Variants in UGT2B7 observed in about 807,000 individuals in gnomAD.
UGT2B7 encodes UDP-glucuronosyltransferase 2B7.
Under a neutral mutation model 51.9 loss-of-function variants are expected in UGT2B7, and 51 were observed. That is an observed-to-expected ratio of 0.98 (90% CI 0.78 to 1.24). The LOEUF is 1.24. UGT2B7 is among the 50% of genes most tolerant of loss of function. The probability of loss-of-function intolerance (pLI) is 0.00; values close to 1 mark genes in which losing one functional copy is unlikely to be tolerated. For synonymous variants in UGT2B7, 225 were observed against 211.6 expected (o/e 1.06, Z -0.55); for missense variants, 727 against 628.4 (o/e 1.16, Z -1.68).
upstream of UGT2B7, among the ~76,000 whole-genome samples, chr4:69,094,279 A>G (rs1433544733): frequency 2.4e-5 from 2 of 84,226 alleles, 1 homozygote; most frequent in African/African-American, 1.3e-4. Context: ...AGCTGGGACT[A>G]CAGGCGCCCG....
chr4:69,088,944 G>A (rs1002904636), intron 1 of UGT2B7, among the ~76,000 whole-genome samples: 1 of 152,156 alleles, frequency 6.6e-6, no homozygotes, highest in Non-Finnish European at 1.5e-5. Context: ...TCTTCTTGGT[G>A]TGTGGAAGGG....
intron 1 of UGT2B7, among the ~76,000 whole-genome samples, chr4:69,083,095 A>G (rs1471854826): frequency 1.3e-5 from 2 of 151,972 alleles, no homozygotes; most frequent in African/African-American, 2.4e-5. Flanking sequence ...AGCATGACTC[A>G]CTGAATATTT....
chr4:69,087,018 G>C (rs918917299), intron 1 of UGT2B7, among the ~76,000 whole-genome samples: 14 of 150,418 alleles, frequency 9.3e-5, no homozygotes, highest in African/African-American at 2.9e-4. Flanking sequence ...TTGTTTTCTA[G>C]GTTAGTTTCT....
At chr4:69,093,785 C>T (rs1343570983), upstream of UGT2B7, among the ~76,000 whole-genome samples, 1 of 152,176 alleles carries the variant, frequency 6.6e-6, no homozygotes, top group Non-Finnish European at 1.5e-5. Context: ...TTCCTTGGTT[C>T]TGTGTTGATG....
chr4:69,055,045 C>A, intron 1 of UGT2B7, among the ~76,000 whole-genome samples: 1 of 144,654 alleles, frequency 6.9e-6, no homozygotes, highest in African/African-American at 2.6e-5. Flanking sequence ...CACTGTAAGC[C>A]TCCCATGATT....
chr4:69,071,778 A>G (rs187849726), intron 1 of UGT2B7, among the ~76,000 whole-genome samples: 165 of 152,252 alleles, frequency 1.1e-3, no homozygotes, highest in African/African-American at 3.7e-3. Context: ...AGAAACAAAT[A>G]GCCAAGTACA....
rs746560447 is a variant in UGT2B7 at position 69,112,508 on chromosome 4, G to A, written c.1362G>A (p.Val454=). The change falls in exon 6 of 6, where the codon GTG becomes GTA. Residue 454 remains valine (V), a synonymous_variant. Transcript: ENST00000305231. ...KLSRIQHDQP[V]KPLDRAVFWI... is the part of the protein sequence containing the mutation. Reference sequence around the variant, plus strand: ...CAAGAATTCAACATGATCAACCAGTGAAGCCCCTGGATCGAGCAGTCTTCT... The same window carrying A: ...CAAGAATTCAACATGATCAACCAGTAAAGCCCCTGGATCGAGCAGTCTTCT... 6.8e-6 allele frequency: 11 copies of A among 1,613,794 alleles called. No homozygotes were observed. The South Asian group carries it at 1.1e-4, about 16-fold the overall frequency.
chr4:69,082,382 G>A (rs1038455193), intron 1 of UGT2B7, among the ~76,000 whole-genome samples: 5 of 137,774 alleles, frequency 3.6e-5, no homozygotes, highest in African/African-American at 1.1e-4. Context: ...GCATCAAATA[G>A]CCAAGTTGTG....
intron 1 of UGT2B7, among the ~76,000 whole-genome samples, chr4:69,082,396 TA>T (rs113112022): frequency 2.0e-5 from 3 of 149,100 alleles, no homozygotes; most frequent in Non-Finnish European, 4.5e-5. Context: ...AGTTGTGAAT[TA>T]AAAAAAAAAC....
chr4:69,088,631 G>T (rs1203487716), intron 1 of UGT2B7, among the ~76,000 whole-genome samples: 1 of 152,086 alleles, frequency 6.6e-6, no homozygotes, highest in African/African-American at 2.4e-5. Context: ...TTTGGATTTT[G>T]GCCCCTGCAG....
intron 1 of UGT2B7, among the ~76,000 whole-genome samples, chr4:69,084,811 A>T (rs1417588332): frequency 1.3e-5 from 2 of 152,094 alleles, no homozygotes; most frequent in Admixed American, 1.3e-4. Flanking sequence ...TCTTTCTTAT[A>T]AATGCATAGT....
intron 1 of UGT2B7, among the ~76,000 whole-genome samples, chr4:69,086,940 G>A (rs1718973246): frequency 6.6e-6 from 1 of 151,616 alleles, no homozygotes; most frequent in Non-Finnish European, 1.5e-5. Flanking sequence ...TCTTTTACTT[G>A]GATCATTCAA....
At chr4:69,099,884 A>G (rs555250231) in intron 2 of UGT2B7, among the ~76,000 whole-genome samples, 16 of 152,150 alleles carry the variant, frequency 1.1e-4, no homozygotes, top group African/African-American at 3.9e-4. Flanking sequence ...TACCCTGTGG[A>G]CTTGATTAAA....
At chr4:69,088,028 TTTTA>T (rs1484356130) in intron 1 of UGT2B7, among the ~76,000 whole-genome samples, 1 of 152,046 alleles carries the variant, frequency 6.6e-6, no homozygotes, top group Non-Finnish European at 1.5e-5. Flanking sequence ...TTTCTAGACT[TTTTA>T]TTTCTTATCT....
chr4:69,071,299 T>C (rs1458250168), intron 1 of UGT2B7, among the ~76,000 whole-genome samples: 2 of 152,126 alleles, frequency 1.3e-5, no homozygotes, highest in Admixed American at 6.6e-5. Flanking sequence ...ACTGAGGATA[T>C]ACAAACTAGA....
intron 1 of UGT2B7, among the ~76,000 whole-genome samples, chr4:69,052,007 G>T (rs1718031369): frequency 6.6e-6 from 1 of 152,022 alleles, no homozygotes; most frequent in South Asian, 2.1e-4. Flanking sequence ...ACATGGATCA[G>T]GTGCAAAGTA....
At chr4:69,081,136 C>T (rs1307408284) in intron 1 of UGT2B7, among the ~76,000 whole-genome samples, 1 of 152,002 alleles carries the variant, frequency 6.6e-6, no homozygotes, top group East Asian at 1.9e-4. Flanking sequence ...TGTAATTTTC[C>T]CAAATGTAAC....
At chr4:69,060,306 C>T (rs1718314967) in intron 1 of UGT2B7, among the ~76,000 whole-genome samples, 1 of 152,226 alleles carries the variant, frequency 6.6e-6, no homozygotes, top group East Asian at 1.9e-4. Flanking sequence ...TGAACAGAAG[C>T]AGACCATTTG....
intron 1 of UGT2B7, among the ~76,000 whole-genome samples, chr4:69,059,782 C>A (rs1577906439): frequency 6.6e-6 from 1 of 152,194 alleles, no homozygotes; most frequent in African/African-American, 2.4e-5. Context: ...GTGCGGAAGC[C>A]GTCTGGTGAA....
Sources: gnomAD v4.1 joint callset for allele counts (sites outside exome capture counted in the v4.1 genomes callset) on GRCh38, gnomAD v4.1.1 for gene constraint, MANE v1.5 for transcripts, NCBI Gene and HGNC (gene_info 2026-07-23, HGNC 2026-07-21) for gene names.